Variants in DLC1 observed in about 807,000 individuals in gnomAD.
DLC1 encodes the protein DLC1 Rho GTPase activating protein.
Under a neutral mutation model 140.3 loss-of-function variants are expected in DLC1, and 54 were observed. That is an observed-to-expected ratio of 0.38 (90% CI 0.31 to 0.48). The LOEUF (loss-of-function observed/expected upper bound fraction) is 0.48. DLC1 is among the 20% of genes least tolerant of loss of function. The pLI is 0.96. For synonymous variants in DLC1, 986 were observed against 728.1 expected, an observed-to-expected ratio of 1.35 and a Z score of -5.70; for missense variants, 2,536 against 1,907.0, an observed-to-expected ratio of 1.33 and a Z score of -6.14.
intron 2 of DLC1, among the ~76,000 whole-genome samples, chr8:13,419,952 G>A (rs1323415538): frequency 1.3e-5 from 2 of 152,152 alleles, no homozygotes; most frequent in African/African-American, 2.4e-5. Flanking sequence ...GAGAGTGTAT[G>A]TGTCGAGGAA....
At chr8:13,519,021 T>C (rs1021555423), upstream of DLC1, among the ~76,000 whole-genome samples, 3 of 152,210 alleles carry the variant, frequency 2.0e-5, no homozygotes, top group Non-Finnish European at 4.4e-5. Context: ...CTATAAGTTC[T>C]AGGGTACATG....
chr8:13,541,811 A>G (rs528396130), intron 1 of DLC1, among the ~76,000 whole-genome samples: 1 of 152,290 alleles, frequency 6.6e-6, no homozygotes, highest in Admixed American at 6.5e-5. Flanking sequence ...GGCCTCCCAA[A>G]GTGCTGGGAT....
intron 5 of DLC1, among the ~76,000 whole-genome samples, chr8:13,141,394 A>G (rs918779454): frequency 6.6e-6 from 1 of 152,110 alleles, no homozygotes; most frequent in Non-Finnish European, 1.5e-5. Context: ...ATATATATCC[A>G]TTAATACTAA....
intron 4 of DLC1, among the ~76,000 whole-genome samples, chr8:13,331,953 G>C (rs1052556061): frequency 1.3e-5 from 2 of 152,122 alleles, no homozygotes; most frequent in African/African-American, 4.8e-5. Context: ...GTGACCAGGG[G>C]ACAATGTATG....
chr8:13,472,117 A>G (rs150070823), intron 2 of DLC1, among the ~76,000 whole-genome samples: 52 of 152,350 alleles, frequency 3.4e-4, no homozygotes, highest in African/African-American at 1.1e-3. Context: ...TTCCTGGAAT[A>G]AAGCAATTTT....
At chr8:13,447,628 A>T (rs566641373) in intron 2 of DLC1, among the ~76,000 whole-genome samples, 119 of 152,342 alleles carry the variant, frequency 7.8e-4, no homozygotes, top group Non-Finnish European at 1.4e-3. Context: ...AATAAACGTT[A>T]TAATAAAATA....
At chr8:13,594,644 A>C (rs1219865418) in intron 1 of DLC1, among the ~76,000 whole-genome samples, 1 of 152,100 alleles carries the variant, frequency 6.6e-6, no homozygotes, top group Non-Finnish European at 1.5e-5. Context: ...CTGTCTTTTC[A>C]AGACAATATC....
intron 1 of DLC1, among the ~76,000 whole-genome samples, chr8:13,585,171 G>C (rs187839970): frequency 4.6e-4 from 70 of 152,278 alleles, no homozygotes; most frequent in African/African-American, 1.7e-3. Context: ...CAAAAATATT[G>C]TGCATATAAT....
intron 5 of DLC1, among the ~76,000 whole-genome samples, chr8:13,254,134 A>G (rs1830116867): frequency 6.6e-6 from 1 of 151,950 alleles, no homozygotes; most frequent in Non-Finnish European, 1.5e-5. Flanking sequence ...CTCCCTGGAA[A>G]TCCTTCTCCC....
chr8:13,393,598 T>C lies in DLC1; in HGVS notation c.1269A>G (p.Pro423=), dbSNP rs1350409689. 2.5e-6 allele frequency: 4 copies of C among 1,614,160 alleles called. No individual in the cohort carries two copies. The highest frequency in any genetic ancestry group is 2.5e-6 in the Non-Finnish European group (3 of 1,180,022). Residue 423 remains proline, a synonymous_variant, in exon 4 of 18, where the codon CCA becomes CCG. Transcript: ENST00000276297. ...CAGAATTGGCTACTGGAGTGGAAGATGGGAGGTCCGTGGACTCAGTGTCAG... is the reference window on the plus strand; with the variant it reads ...CAGAATTGGCTACTGGAGTGGAAGACGGGAGGTCCGTGGACTCAGTGTCAG... ...LSSDTESTDL[P]SSTPVANSGT... is the part of the protein sequence containing the mutation.
intron 2 of DLC1, among the ~76,000 whole-genome samples, chr8:13,470,922 C>T (rs908626766): frequency 6.6e-6 from 1 of 152,162 alleles, no homozygotes; most frequent in African/African-American, 2.4e-5. Context: ...TATACATACA[C>T]ACCCATACAC....
rs1027177300 is a variant in DLC1, at chr8:13,537,722, C to T, written c.-125-37526G>A. Among the ~76,000 whole-genome samples, 7 of 141,086 alleles carry T rather than the reference C, an allele frequency of 5.0e-5. No individual in the cohort carries two copies. In the East Asian group the frequency reaches 1.3e-3, roughly 26 times the overall value. The allele number at this position is 141,086 out of a possible 152,430, so 92.6% of individuals were successfully genotyped here. ...AGGCTAGAATGCAGTGGCGCGATCT[C>T]GGCTCACTGCAAGCTCCGCCTCCCG... On this transcript the variant is annotated intron_variant, in intron 1 of 1. Coordinates refer to the DLC1 transcript ENST00000631382.
chr8:13,184,333 T>C (rs1401416860), intron 5 of DLC1, among the ~76,000 whole-genome samples: 11 of 152,246 alleles, frequency 7.2e-5, no homozygotes, highest in Admixed American at 6.5e-5. Flanking sequence ...TTTCTTGCTT[T>C]CTGCTAGCTT....
rs558629339 is a variant in DLC1 at position 13,501,653 on chromosome 8, G to A, written c.-125-1457C>T. On this transcript the variant is annotated intron_variant, in intron 1 of 17. Transcript: ENST00000276297. Reference sequence around the variant, plus strand: ...ATATTTCCAGTCTGTAAAAACTGGCGAAATTGACATGTGCTAGAATTTTAG... The same window carrying A: ...ATATTTCCAGTCTGTAAAAACTGGCAAAATTGACATGTGCTAGAATTTTAG... 5.3e-5 allele frequency among the ~76,000 whole-genome samples: 8 copies of A among 152,258 alleles called. 1 individual carries two copies. The South Asian group carries it at 1.2e-3, about 24-fold the overall frequency.
At chr8:13,339,924 A>G (rs1833964488) in intron 4 of DLC1, 1 of 152,242 alleles carries the variant, frequency 6.6e-6, no homozygotes, top group Non-Finnish European at 1.5e-5. Context: ...AAATCCAGCA[A>G]TAAATAAAAC....
intron 5 of DLC1, among the ~76,000 whole-genome samples, chr8:13,239,117 T>G (rs1829428560): frequency 6.6e-6 from 1 of 152,160 alleles, no homozygotes; most frequent in South Asian, 2.1e-4. Context: ...TGTGCGTATC[T>G]GGGGTCATAG....
rs886365250 is a variant in DLC1 at position 13,117,497 on chromosome 8, A to G, written c.1349-1840T>C. On this transcript the variant is annotated intron_variant, in intron 5 of 17. Transcript: ENST00000276297. The stretch of plus-strand genomic sequence containing the variant: ...TGTAACCGCTAAAAAAAAAAGAGGA[A>G]CTTACTTTTGCCCTATCTGTGTGCC... Among the ~76,000 whole-genome samples, 9 of 152,092 alleles carry G rather than the reference A, an allele frequency of 5.9e-5. 1 individual carries two copies. The South Asian group carries it at 8.3e-4, about 14-fold the overall frequency.
Position 13,097,753 on chromosome 8 carries a change from C to T in DLC1, c.3167+646G>A, listed in dbSNP as rs187253070. 4.7e-4 allele frequency among the ~76,000 whole-genome samples: 71 copies of T among 152,196 alleles called. 3 individuals are homozygous for T. In the South Asian group the frequency reaches 0.012, roughly 26 times the overall value. On this transcript the variant is annotated intron_variant, in intron 10 of 17. Transcript: ENST00000276297. ...TATTGGGAAGGAGGTGCCTATACCA[C>T]GTGATGCAAGAGTAATGCATTCTCA...
intron 5 of DLC1, among the ~76,000 whole-genome samples, chr8:13,131,838 A>C (rs561659263): frequency 4.2e-4 from 64 of 152,276 alleles, no homozygotes; most frequent in African/African-American, 1.4e-3. Flanking sequence ...ATGAGACCCC[A>C]CCAGCCTGAC....
Sources: gnomAD v4.1 joint callset for allele counts (sites outside exome capture counted in the v4.1 genomes callset) on GRCh38, gnomAD v4.1.1 for gene constraint, MANE v1.5 for transcripts, NCBI Gene and HGNC (gene_info 2026-07-23, HGNC 2026-07-21) for gene names.